The following CD109 variants were observed in gnomAD, a reference collection of about 807,000 sequenced individuals.
CD109 encodes the protein CD109 antigen.
CD109 carries 149 observed loss-of-function variants against 165.8 expected under a neutral mutation model. The ratio of observed to expected loss-of-function variants is 0.90; its 90% CI spans 0.79 to 1.03. The LOEUF (loss-of-function observed/expected upper bound fraction) is 1.03, where lower values mean the gene tolerates loss of function less well. CD109 is among the 50% of genes least tolerant of loss of function. The pLI is 0.00. For synonymous variants in CD109, 585 were observed against 592.1 expected (o/e 0.99, Z 0.18); for missense variants, 1,712 against 1,677.8 (o/e 1.02, Z -0.36).
chr6:73,774,190 A>G (rs1303128791), intron 15 of CD109, among the ~76,000 whole-genome samples: 5 of 152,102 alleles, frequency 3.3e-5, no homozygotes, highest in Non-Finnish European at 7.4e-5. Context: ...TTTGTGTCAC[A>G]TGCTATATGT....
At chr6:73,684,472 C>T in the CD109 span, among the ~76,000 whole-genome samples, 5 of 152,060 alleles carry the variant, frequency 3.3e-5, no homozygotes, top group African/African-American at 1.2e-4. Flanking sequence ...TCACCTGCCT[C>T]AGCCTCCCAA....
intron 14 of CD109, among the ~76,000 whole-genome samples, chr6:73,771,030 G>A (rs9343076): frequency 0.97 from 148,203 of 152,202 alleles, 72,257 homozygotes; most frequent in East Asian, 1. Flanking sequence ...CTTCACTTCT[G>A]AGCTCACGTC....
At chr6:73,802,736 T>C (rs1007078136) in intron 23 of CD109, among the ~76,000 whole-genome samples, 2 of 151,454 alleles carry the variant, frequency 1.3e-5, no homozygotes, top group African/African-American at 4.9e-5. Flanking sequence ...TTTGCTCTTG[T>C]TGCCTAGGCT....
chr6:73,792,751 A>T lies in CD109; in HGVS notation c.2827A>T (p.Lys943Ter), dbSNP rs1775019532. ...CATTTTGGATTATCTGACTAAAAAG[A>T]AACAACTGACAGATAATTTGAAAGA... Reference protein sequence around the residue: ...IYILDYLTKKKQLTDNLKEKA... With the variant: ...IYILDYLTKK The change falls in exon 23 of 33, where the codon AAA becomes TAA. Residue 943 changes from lysine (K) to a stop codon, truncating the protein, a stop_gained. Coordinates refer to ENST00000287097, the MANE Select transcript of CD109 (RefSeq NM_133493.5). LOFTEE classifies it high-confidence loss of function. 1.2e-6 allele frequency: 2 copies of T among 1,612,636 alleles called. No individual in the cohort carries two copies. Among genetic ancestry groups the T allele is most frequent in the Admixed American group, 3.3e-5 (2 of 59,994 alleles).
chr6:73,795,078 G>A (rs1265809207), intron 23 of CD109, among the ~76,000 whole-genome samples: 3 of 122,206 alleles, frequency 2.5e-5, no homozygotes, highest in African/African-American at 6.7e-5. Context: ...ATGAATGAAC[G>A]TTGTACCTTT....
In CD109 at chr6:73,722,773, C is replaced by T. The variant is rs189963025; in HGVS notation, c.248-478C>T. On this transcript the variant is annotated intron_variant, in intron 2 of 32. Transcript: ENST00000287097. ...CAGTCCTATGTATAGAAACTTTACACGAAAAAAGTCTGCATCACCCCAGTA... is the reference window on the plus strand; with the variant it reads ...CAGTCCTATGTATAGAAACTTTACATGAAAAAAGTCTGCATCACCCCAGTA... 1.1e-3 allele frequency among the ~76,000 whole-genome samples: 161 copies of T among 152,222 alleles called. 2 individuals carry two copies. In the Middle Eastern group the frequency reaches 0.024, roughly 23 times the overall value.
chr6:73,781,835 A>ACACACACACACACAC (rs150665697), intron 17 of CD109, among the ~76,000 whole-genome samples: 44 of 144,418 alleles, frequency 3.0e-4, no homozygotes, highest in East Asian at 1.8e-3. Flanking sequence ...ACACACACAC[A>ACACACACACACACAC]CCCCTCATCA....
At chr6:73,709,936 A>G (rs1231927315) in intron 2 of CD109, among the ~76,000 whole-genome samples, 1 of 152,228 alleles carries the variant, frequency 6.6e-6, no homozygotes, top group Non-Finnish European at 1.5e-5. Flanking sequence ...TTGATGGGAC[A>G]TATCTAAAAA....
chr6:73,708,463 G>A (rs892170511), intron 2 of CD109, among the ~76,000 whole-genome samples: 5 of 152,148 alleles, frequency 3.3e-5, no homozygotes, highest in Non-Finnish European at 7.4e-5. Context: ...AAACATACGT[G>A]TGCATGTGTC....
At chr6:73,683,969 G>A in the CD109 span, among the ~76,000 whole-genome samples, 1 of 152,316 alleles carries the variant, frequency 6.6e-6, no homozygotes, top group South Asian at 2.1e-4. Flanking sequence ...TACAATTCAA[G>A]ATGAGATTTG....
At chr6:73,737,785 G>A (rs909300900) in intron 5 of CD109, among the ~76,000 whole-genome samples, 2 of 152,194 alleles carry the variant, frequency 1.3e-5, no homozygotes, top group Non-Finnish European at 2.9e-5. Flanking sequence ...GGAAGAGAAC[G>A]TTATGTGTCT....
intron 2 of CD109, among the ~76,000 whole-genome samples, chr6:73,721,051 A>G (rs1285556527): frequency 6.6e-6 from 1 of 152,096 alleles, no homozygotes; most frequent in Non-Finnish European, 1.5e-5. Context: ...CATCCCTCCA[A>G]TGTGCTCCTT....
chr6:73,703,312 C>G (rs1771148660), intron 2 of CD109, among the ~76,000 whole-genome samples: 1 of 152,224 alleles, frequency 6.6e-6, no homozygotes, highest in South Asian at 2.1e-4. Context: ...AGACCTGGAT[C>G]TAATGAAATC....
the CD109 span, among the ~76,000 whole-genome samples, chr6:73,683,583 A>G: frequency 3.3e-5 from 5 of 152,192 alleles, no homozygotes; most frequent in Admixed American, 1.3e-4. Context: ...AAGTCACTTC[A>G]ACATTTTTGG....
intron 23 of CD109, among the ~76,000 whole-genome samples, chr6:73,795,664 A>G (rs928072420): frequency 3.3e-5 from 5 of 152,202 alleles, no homozygotes; most frequent in African/African-American, 7.2e-5. Context: ...AAGAATGCCG[A>G]GCGCTACAGC....
At chr6:73,793,439 C>G (rs977334351) in intron 23 of CD109, among the ~76,000 whole-genome samples, 1 of 152,212 alleles carries the variant, frequency 6.6e-6, no homozygotes, top group Non-Finnish European at 1.5e-5. Context: ...TGAGTGTGCA[C>G]TGTGTGGCAG....
chr6:73,729,886 C>T (rs941160184), intron 3 of CD109, among the ~76,000 whole-genome samples: 8 of 152,084 alleles, frequency 5.3e-5, no homozygotes, highest in African/African-American at 7.2e-5. Context: ...GACACATATG[C>T]GCAAGATGCA....
chr6:73,725,446 C>T (rs1031850967), intron 3 of CD109, among the ~76,000 whole-genome samples: 14 of 148,558 alleles, frequency 9.4e-5, no homozygotes, highest in Non-Finnish European at 4.4e-5. Context: ...TTCAATGATA[C>T]TAGTATAAAC....
chr6:73,799,874 TA>T (rs1164375446), intron 23 of CD109, among the ~76,000 whole-genome samples: 6 of 148,540 alleles, frequency 4.0e-5, no homozygotes, highest in Non-Finnish European at 9.0e-5. Flanking sequence ...TTTTTTTTTT[TA>T]AAGACAGGGT....
Sources: allele counts gnomAD v4.1 joint callset (sites outside exome capture counted in the v4.1 genomes callset), GRCh38; gene constraint gnomAD v4.1.1; transcripts MANE v1.5; gene names NCBI Gene and HGNC (gene_info 2026-07-23, HGNC 2026-07-21).